SLC38A6: variants seen among roughly 807,000 people sequenced by gnomAD.
SLC38A6 encodes the protein N system amino acid transporter NAT-1.
In SLC38A6, 73 loss-of-function variants were observed where a neutral mutation model predicts 65.0. The observed-to-expected ratio is 1.12, with a 90% confidence interval of 0.93 to 1.37. The LOEUF (loss-of-function observed/expected upper bound fraction) is 1.37, where lower values mean the gene tolerates loss of function less well. Ranked by LOEUF, SLC38A6 falls within the 40% of genes most tolerant of loss-of-function variation. The pLI is 0.00. For missense variants in SLC38A6, 561 were observed against 531.1 expected (o/e 1.06, Z -0.55); for synonymous variants, 183 against 178.8 (o/e 1.02, Z -0.19).
Position 61,015,913 on chromosome 14 carries a change from C to T in SLC38A6, c.320C>T (p.Ser107Phe). The T allele has an allele frequency of 3.1e-6, 5 of 1,607,012 alleles. No homozygotes were observed. The South Asian group carries it at 5.6e-5, about 18-fold the overall frequency. ...LSMCIQTAVT[S>F]YEDLGLFAFG... ...TAATTTCTCTTAACAGCTGTAACAT[C>T]TTATGAAGATCTTGGACTCTTTGCA... The change falls in exon 4 of 16, where the codon TCT becomes TTT. Residue 107 changes from serine to phenylalanine, a missense_variant. Ser to Phe is a radical substitution (Grantham distance 155). Coordinates refer to ENST00000267488, the MANE Select transcript of SLC38A6 (RefSeq NM_153811.3).
At position 61,003,184 on chromosome 14, in the gene SLC38A6, A is replaced by G. The variant is rs564837631; in HGVS notation, c.311-12720A>G. 5.3e-5 allele frequency among the ~76,000 whole-genome samples: 8 copies of G among 152,218 alleles called. No homozygotes were observed. In the South Asian group the frequency reaches 1.7e-3, roughly 32 times the overall value. On this transcript the variant is annotated intron_variant, in intron 3 of 15. Coordinates refer to ENST00000267488, the MANE Select transcript of SLC38A6 (RefSeq NM_153811.3). ...AAAATAAAATTCTACCACTTGTATT[A>G]TATTCATTATAGACTATTGGAAACC... is the stretch of plus-strand genomic sequence containing the variant.
chr14:61,014,434 C>T (rs1032042449), intron 3 of SLC38A6, among the ~76,000 whole-genome samples: 2 of 152,244 alleles, frequency 1.3e-5, no homozygotes, highest in African/African-American at 2.4e-5. Context: ...TGAGGAGCTG[C>T]TTTCCTTTGG....
intron 7 of SLC38A6, 128 bp downstream of exon 7, chr14:61,037,269 GT>G: frequency 1.5e-6 from 1 of 673,730 alleles, no homozygotes. Context: ...TGGTGGTTGT[GT>G]ATAATTTTAA....
intron 15 of SLC38A6, among the ~76,000 whole-genome samples, chr14:61,070,347 G>A (rs918593437): frequency 5.9e-5 from 9 of 152,248 alleles, no homozygotes; most frequent in Non-Finnish European, 7.4e-5. Flanking sequence ...TTAGCATATT[G>A]TCCTCAAGTA....
chr14:61,013,815 C>T (rs747608228), intron 3 of SLC38A6, among the ~76,000 whole-genome samples: 1 of 152,174 alleles, frequency 6.6e-6, no homozygotes, highest in Non-Finnish European at 1.5e-5. Context: ...CTGCCCTTAA[C>T]ATTTTTTCCT....
At position 60,981,407 on chromosome 14, in the gene SLC38A6, C is replaced by A. The variant is rs112283719; in HGVS notation, c.105+25C>A. On this transcript the variant is annotated intron_variant, in intron 1 of 15. Coordinates refer to ENST00000267488, the MANE Select transcript of SLC38A6 (RefSeq NM_153811.3). ...CGTAAGTGGGCTGTGTTCGCTTCCC[C>A]GCGCTGACGCCCTCCGGCTTCCCTC... 4.2e-5 allele frequency: 65 copies of A among 1,564,714 alleles called. No individual in the cohort carries two copies. The African/African-American group carries it at 5.4e-4, about 13-fold the overall frequency.
At chr14:61,007,276 A>T (rs996188460) in intron 3 of SLC38A6, among the ~76,000 whole-genome samples, 1 of 152,070 alleles carries the variant, frequency 6.6e-6, no homozygotes, top group Non-Finnish European at 1.5e-5. Flanking sequence ...ATACATATGT[A>T]TCTAACCTTC....
rs1252917545 is a variant in SLC38A6 at position 60,981,647 on chromosome 14, C to T, written c.105+265C>T. ...TGCAGCGTTGAGTGGAAGCTGCGAA[C>T]ATGATGGGATGAGCGGCCCTAGGAT... On this transcript the variant is annotated intron_variant, in intron 1 of 15. Coordinates refer to ENST00000267488, the MANE Select transcript of SLC38A6 (RefSeq NM_153811.3). 5 of 1,441,372 alleles carry T rather than the reference C, an allele frequency of 3.5e-6. No homozygotes were observed. In the South Asian group the frequency reaches 4.9e-5, roughly 14 times the overall value. The allele number at this position is 1,441,372 out of a possible 1,614,324, so 89.3% of individuals were successfully genotyped here. A position where few individuals can be genotyped will look rare whatever the true frequency, so the allele number is the denominator to read the frequency against.
At chr14:61,049,762 A>G (rs2042392321) in intron 12 of SLC38A6, among the ~76,000 whole-genome samples, 1 of 152,116 alleles carries the variant, frequency 6.6e-6, no homozygotes, top group Non-Finnish European at 1.5e-5. Flanking sequence ...TTTTAAGTAC[A>G]AACTGATATT....
At chr14:61,081,675 C>G (rs1319850843) in intron 16 of SLC38A6, among the ~76,000 whole-genome samples, 2 of 152,088 alleles carry the variant, frequency 1.3e-5, no homozygotes, top group East Asian at 3.9e-4. Context: ...CAGAGCGAGA[C>G]TCTGTCTCAA....
At chr14:60,986,748 ATTCT>A (rs1480501173) in intron 3 of SLC38A6, among the ~76,000 whole-genome samples, 1 of 152,240 alleles carries the variant, frequency 6.6e-6, no homozygotes, top group African/African-American at 2.4e-5. Context: ...ATCTTGGTAG[ATTCT>A]TTCAATTCAT....
intron 3 of SLC38A6, among the ~76,000 whole-genome samples, chr14:60,986,350 A>C (rs142096108): frequency 9.1e-4 from 138 of 152,346 alleles, no homozygotes; most frequent in African/African-American, 3.1e-3. Flanking sequence ...AAACCAGTTT[A>C]GGATCCATAG....
At chr14:61,045,465 T>G in intron 11 of SLC38A6, 40 bp downstream of exon 11, 1 of 1,433,388 alleles carries the variant, frequency 7.0e-7, no homozygotes, top group Non-Finnish European at 9.8e-7. Flanking sequence ...ATATTGTGTA[T>G]CTTTTTACCT....
At chr14:61,079,975 C>A (rs1320916059) in intron 16 of SLC38A6, among the ~76,000 whole-genome samples, 1 of 152,144 alleles carries the variant, frequency 6.6e-6, no homozygotes, top group African/African-American at 2.4e-5. Context: ...ACTTGGTACA[C>A]CTCTTTCTTA....
intron 3 of SLC38A6, among the ~76,000 whole-genome samples, chr14:61,007,924 A>G (rs1219895598): frequency 6.6e-6 from 1 of 152,128 alleles, no homozygotes; most frequent in East Asian, 1.9e-4. Context: ...AATAATTACT[A>G]ATTTTTGTGA....
At chr14:61,081,448 G>T (rs540668480) in intron 16 of SLC38A6, among the ~76,000 whole-genome samples, 1 of 152,204 alleles carries the variant, frequency 6.6e-6, no homozygotes, top group African/African-American at 2.4e-5. Context: ...CACAGCAGGG[G>T]CTGAGGTGGT....
intron 3 of SLC38A6, among the ~76,000 whole-genome samples, chr14:60,999,167 A>G (rs1166674748): frequency 2.0e-5 from 3 of 152,228 alleles, no homozygotes; most frequent in African/African-American, 7.2e-5. Flanking sequence ...GTGAGAAGCC[A>G]CTGAGGTTGT....
rs754153217 is a variant in SLC38A6 at position 61,037,241 on chromosome 14, A to G, written c.565+100A>G. On this transcript the variant is annotated intron_variant, in intron 7 of 15. Coordinates refer to ENST00000267488, the MANE Select transcript of SLC38A6 (RefSeq NM_153811.3). ...AGGGGCTTTAAAATTTCACAGTACC[A>G]CATTTTTGGCAGAAGGATGGTGGTT... 1.2e-3 allele frequency: 1,035 copies of G among 868,534 alleles called. 28 individuals carry two copies. Among genetic ancestry groups the G allele is most frequent in the Admixed American group, 3.0e-4 (11 of 36,904 alleles). 53.8% of individuals were successfully genotyped at this position (868,534 alleles called of 1,614,324 possible). A position where few individuals can be genotyped will look rare whatever the true frequency, so the allele number is the denominator to read the frequency against.
At chr14:61,007,338 TAAAAG>T (rs139527356) in intron 3 of SLC38A6, among the ~76,000 whole-genome samples, 1 of 151,130 alleles carries the variant, frequency 6.6e-6, no homozygotes, top group South Asian at 2.1e-4. Flanking sequence ...TAAAATAAAA[TAAAAG>T]AACAGACCAG....
Sources: gnomAD v4.1 joint callset for allele counts (sites outside exome capture counted in the v4.1 genomes callset) on GRCh38, gnomAD v4.1.1 for gene constraint, MANE v1.5 for transcripts, NCBI Gene and HGNC (gene_info 2026-07-23, HGNC 2026-07-21) for gene names.